Variants in LRRC37A2 observed in about 807,000 individuals in gnomAD.
The protein encoded by LRRC37A2 is leucine-rich repeat-containing protein 37A2.
A neutral mutation model predicts 68.8 loss-of-function variants in LRRC37A2; 9 were observed. The observed-to-expected ratio is 0.13, with a 90% confidence interval of 0.08 to 0.23. LRRC37A2 has a LOEUF of 0.23. Among genes scored for constraint, LRRC37A2 ranks in the 10% least tolerant of loss-of-function variants. The pLI, the probability that LRRC37A2 is intolerant of heterozygous loss-of-function variation, is 1.00. For synonymous variants in LRRC37A2, 63 were observed against 367.6 expected (o/e 0.17, Z 9.48); for missense variants, 168 against 950.4 (o/e 0.18, Z 10.82).
chr17:46,814,578 ATCTG>A, the LRRC37A2 span, among the ~76,000 whole-genome samples: 130 of 152,218 alleles, frequency 8.5e-4, no homozygotes, highest in African/African-American at 2.9e-3. Context: ...GTATCTGCCC[ATCTG>A]TCTGTCTGTC....
At chr17:46,760,657 AAAAG>A in the LRRC37A2 span, among the ~76,000 whole-genome samples, 2 of 151,090 alleles carry the variant, frequency 1.3e-5, no homozygotes, top group Non-Finnish European at 2.9e-5. Flanking sequence ...AAAAGAAAAA[AAAAG>A]GAAAAAGTAC....
chr17:46,935,614 T>G, the LRRC37A2 span: 1 of 1,054,462 alleles, frequency 9.5e-7, no homozygotes, highest in Non-Finnish European at 1.1e-6. Flanking sequence ...AGTAACTGAA[T>G]CCCCACTGTG....
At chr17:46,915,740 G>C in the LRRC37A2 span, among the ~76,000 whole-genome samples, 1 of 152,198 alleles carries the variant, frequency 6.6e-6, no homozygotes, top group Admixed American at 6.5e-5. Context: ...TGATCTGTGT[G>C]GTTGGCCAAA....
the LRRC37A2 span, among the ~76,000 whole-genome samples, chr17:46,943,217 G>A: frequency 6.6e-6 from 1 of 152,130 alleles, no homozygotes; most frequent in African/African-American, 2.4e-5. Context: ...GGGCAGGGAT[G>A]GAAGCCTGAT....
the LRRC37A2 span, among the ~76,000 whole-genome samples, chr17:46,873,512 G>A: frequency 3.2e-3 from 488 of 152,270 alleles, 1 homozygote; most frequent in African/African-American, 0.011. Flanking sequence ...CACAGCTCCG[G>A]GTGGGTCTCC....
chr17:46,787,659 G>A, the LRRC37A2 span, among the ~76,000 whole-genome samples: 2 of 152,324 alleles, frequency 1.3e-5, no homozygotes, highest in Admixed American at 6.5e-5. Flanking sequence ...CAAGATGTAT[G>A]AGATGTAGCC....
At chr17:46,779,053 TCACACACACACACA>T in the LRRC37A2 span, among the ~76,000 whole-genome samples, 103 of 100,596 alleles carry the variant, frequency 1.0e-3, no homozygotes, top group South Asian at 3.2e-3. Context: ...CCCTACCCCA[TCACACACACACACA>T]CACACACACA....
chr17:47,027,514 T>C, the LRRC37A2 span: 13 of 929,398 alleles, frequency 1.4e-5, no homozygotes, highest in South Asian at 2.7e-5. Flanking sequence ...CAATCAACAT[T>C]TAATAACTAA....
the LRRC37A2 span, among the ~76,000 whole-genome samples, chr17:46,856,385 T>C: frequency 6.6e-6 from 1 of 152,166 alleles, no homozygotes; most frequent in Non-Finnish European, 1.5e-5. Flanking sequence ...TCATCCCAGG[T>C]GGTGGAAGTG....
chr17:46,805,292 G>T, the LRRC37A2 span, among the ~76,000 whole-genome samples: 1 of 152,054 alleles, frequency 6.6e-6, no homozygotes, highest in East Asian at 1.9e-4. Context: ...AAGAAAAAAG[G>T]CTGGGCACAG....
the LRRC37A2 span, among the ~76,000 whole-genome samples, chr17:46,479,536 CT>C: frequency 5.7e-5 from 6 of 105,252 alleles, no homozygotes; most frequent in Non-Finnish European, 1.3e-4. Flanking sequence ...GAAACAGAGT[CT>C]TACTCTGTCG....
At chr17:46,721,796 G>A in the LRRC37A2 span, 5 of 1,601,934 alleles carry the variant, frequency 3.1e-6, no homozygotes, top group Non-Finnish European at 4.3e-6. Flanking sequence ...ATCGTGCACA[G>A]CTGTCAGAGT....
the LRRC37A2 span, among the ~76,000 whole-genome samples, chr17:46,882,272 T>C: frequency 1.3e-5 from 2 of 152,170 alleles, no homozygotes; most frequent in Non-Finnish European, 2.9e-5. Context: ...TCTAGAACAG[T>C]CCCCCTCTTT....
the LRRC37A2 span, chr17:46,722,138 C>CTT: frequency 1.7e-5 from 27 of 1,611,804 alleles, no homozygotes; most frequent in Non-Finnish European, 2.1e-5. Context: ...CGCCATTGGG[C>CTT]TTCACGATCT....
At chr17:46,999,998 CAA>C in the LRRC37A2 span, among the ~76,000 whole-genome samples, 1 of 48,422 alleles carries the variant, frequency 2.1e-5, no homozygotes, top group East Asian at 2.0e-3. Flanking sequence ...GACTCCATCT[CAA>C]AATAAAATAA....
At chr17:46,877,180 G>A in the LRRC37A2 span, 2 of 685,002 alleles carry the variant, frequency 2.9e-6, no homozygotes, top group African/African-American at 2.0e-5. Context: ...GCTGAGATGG[G>A]TCAATCGGGT....
chr17:47,049,049 T>A, the LRRC37A2 span: 1 of 594,438 alleles, frequency 1.7e-6, no homozygotes, highest in Admixed American at 3.0e-5. Flanking sequence ...TTGTTGCCAT[T>A]TCATAGGTTT....
the LRRC37A2 span, among the ~76,000 whole-genome samples, chr17:47,037,227 T>G: frequency 6.6e-6 from 1 of 151,108 alleles, no homozygotes; most frequent in Non-Finnish European, 1.5e-5. Context: ...GAGGTGGAGG[T>G]TGCAGTAAGC....
chr17:46,896,452 A>AAGAAAGAAAGAAAGAAAGAAAAAG, the LRRC37A2 span, among the ~76,000 whole-genome samples: 29 of 65,874 alleles, frequency 4.4e-4, 1 homozygote, highest in South Asian at 1.2e-3. Context: ...GAAAGAAAGA[A>AAGAAAGAAAGAAAGAAAGAAAAAG]AAAGAAAGAA....
Sources: gnomAD v4.1 joint callset for allele counts (sites outside exome capture counted in the v4.1 genomes callset) on GRCh38, gnomAD v4.1.1 for gene constraint, MANE v1.5 for transcripts, NCBI Gene and HGNC (gene_info 2026-07-23, HGNC 2026-07-21) for gene names.